The following RELN variants were observed in gnomAD, a reference collection of about 807,000 sequenced individuals.
RELN encodes reelin.
RELN carries 108 observed loss-of-function variants against 427.6 expected under a neutral mutation model. That is an observed-to-expected ratio of 0.25 (90% CI 0.22 to 0.30). The LOEUF (loss-of-function observed/expected upper bound fraction) is 0.30, where lower values mean the gene tolerates loss of function less well. RELN is among the 10% of genes least tolerant of loss of function. The probability of loss-of-function intolerance (pLI) is 1.00; values close to 1 mark genes in which losing one functional copy is unlikely to be tolerated. For missense variants in RELN, 3,715 were observed against 4,302.8 expected, an observed-to-expected ratio of 0.86 and a Z score of 3.82; for synonymous variants, 1,524 against 1,513.4, an observed-to-expected ratio of 1.01 and a Z score of -0.16.
rs1383206735 is a variant in RELN at position 103,620,516 on chromosome 7, AG to A, written c.2703-8714del. On this transcript the variant is annotated intron_variant, in intron 20 of 64. Coordinates refer to ENST00000428762, the MANE Select transcript of RELN (RefSeq NM_005045.4). The surrounding 1 kb of genome is among the most constrained non-coding windows in gnomAD (Gnocchi z 4.1). ...TGAGATAGAGTCTCGTCTGTCGCCC[AG>A]GCTGGAGTAACAGTGGCACGATCTT... Among the ~76,000 whole-genome samples the A allele has an allele frequency of 2.0e-5, 3 of 146,874 alleles. No individual in the cohort carries two copies. The highest frequency in any genetic ancestry group is 4.5e-5 in the Non-Finnish European group (3 of 67,252).
At chr7:103,523,126 C>G (rs1829747218) in intron 47 of RELN, among the ~76,000 whole-genome samples, 1 of 152,162 alleles carries the variant, frequency 6.6e-6, no homozygotes, top group Non-Finnish European at 1.5e-5. Flanking sequence ...TCGAGTGTAT[C>G]ACAGAAACAC....
intron 6 of RELN, among the ~76,000 whole-genome samples, chr7:103,744,853 C>T (rs1372266582): frequency 1.3e-5 from 2 of 152,170 alleles, no homozygotes; most frequent in Admixed American, 6.5e-5. Context: ...GGAGCTGGTA[C>T]CATTCCTTCT....
At chr7:103,686,957 G>A (rs1313666934) in intron 10 of RELN, among the ~76,000 whole-genome samples, 1 of 152,110 alleles carries the variant, frequency 6.6e-6, no homozygotes, top group African/African-American at 2.4e-5. Flanking sequence ...AGGTGCAGGA[G>A]GGCTGAAGTG....
chr7:103,909,931 A>G (rs1795325880), intron 2 of RELN, among the ~76,000 whole-genome samples: 2 of 143,968 alleles, frequency 1.4e-5, no homozygotes, highest in Admixed American at 1.5e-4. Flanking sequence ...TAAGTTAAAA[A>G]TTTCCAGTTC....
At chr7:103,488,376 C>T (rs1009356780) in intron 60 of RELN, among the ~76,000 whole-genome samples, 1 of 152,130 alleles carries the variant, frequency 6.6e-6, no homozygotes, top group African/African-American at 2.4e-5. Flanking sequence ...TTCCAGACAT[C>T]GAGGACTTCT....
intron 3 of RELN, among the ~76,000 whole-genome samples, chr7:103,796,020 T>A (rs1792290062): frequency 6.6e-6 from 1 of 152,246 alleles, no homozygotes; most frequent in South Asian, 2.1e-4. Context: ...AAGCTTCTAT[T>A]GTCTCTCATC....
intron 2 of RELN, among the ~76,000 whole-genome samples, chr7:103,846,241 C>T (rs1304539779): frequency 6.6e-6 from 1 of 152,024 alleles, no homozygotes; most frequent in Admixed American, 6.6e-5. Context: ...ATATACAGAC[C>T]AATGGAACAC....
intron 10 of RELN, among the ~76,000 whole-genome samples, chr7:103,694,820 T>A (rs1053620716): frequency 8.3e-6 from 1 of 119,882 alleles, no homozygotes; most frequent in Non-Finnish European, 1.8e-5. Context: ...CCACCATGCC[T>A]GGCTAGTTTT....
At chr7:103,814,010 T>A (rs959968950) in intron 3 of RELN, among the ~76,000 whole-genome samples, 2 of 152,214 alleles carry the variant, frequency 1.3e-5, no homozygotes, top group Non-Finnish European at 2.9e-5. Flanking sequence ...TTTCTTTCTC[T>A]ACCTTTACAT....
intron 3 of RELN, among the ~76,000 whole-genome samples, chr7:103,813,637 A>G (rs922500189): frequency 5.3e-5 from 8 of 152,150 alleles, no homozygotes; most frequent in Admixed American, 1.3e-4. Context: ...TTTTCTACGT[A>G]AGGAAAATTT....
intron 17 of RELN, among the ~76,000 whole-genome samples, chr7:103,638,401 G>A (rs1418769964): frequency 6.6e-6 from 1 of 152,192 alleles, no homozygotes; most frequent in Non-Finnish European, 1.5e-5. Flanking sequence ...GCCAGAAAGT[G>A]TTAGAGGGAA....
In RELN at chr7:103,545,964, A is replaced by G. The variant is rs369005955; in HGVS notation, c.6303-620T>C. ...TCTGTCTATTTAATACACTCTGTATAACTAACCTTTTTTAAAAAAACTGAG... is the reference window on the plus strand; with the variant it reads ...TCTGTCTATTTAATACACTCTGTATGACTAACCTTTTTTAAAAAAACTGAG... On this transcript the variant is annotated intron_variant, in intron 41 of 64. Coordinates refer to ENST00000428762, the MANE Select transcript of RELN (RefSeq NM_005045.4). 1.8e-4 allele frequency among the ~76,000 whole-genome samples: 27 copies of G among 152,024 alleles called. No individual in the cohort carries two copies. In the East Asian group the frequency reaches 4.2e-3, roughly 24 times the overall value.
chr7:103,766,068 T>C (rs1791418221), intron 4 of RELN, among the ~76,000 whole-genome samples: 2 of 152,232 alleles, frequency 1.3e-5, no homozygotes, highest in Non-Finnish European at 2.9e-5. Flanking sequence ...GGATACTTTC[T>C]GCCTGCCATA....
At chr7:103,638,074 T>TAA (rs140427433) in intron 17 of RELN, among the ~76,000 whole-genome samples, 2 of 151,700 alleles carry the variant, frequency 1.3e-5, no homozygotes, top group African/African-American at 2.4e-5. Flanking sequence ...AAATATTTTT[T>TAA]AAAAAAAACA....
chr7:103,854,977 G>C (rs117403145), intron 2 of RELN, among the ~76,000 whole-genome samples: 1,928 of 152,310 alleles, frequency 0.013, 15 homozygotes, highest in Middle Eastern at 0.044. Context: ...GATGGCAAAT[G>C]CAACTGCTTA....
chr7:103,782,222 A>T (rs1056535224), intron 3 of RELN, among the ~76,000 whole-genome samples: 16 of 152,270 alleles, frequency 1.1e-4, no homozygotes, highest in Non-Finnish European at 1.5e-4. Context: ...GTCATGATTT[A>T]AAAAAAGCCT....
intron 2 of RELN, among the ~76,000 whole-genome samples, chr7:103,880,897 T>A (rs1216248841): frequency 6.6e-6 from 1 of 152,140 alleles, no homozygotes; most frequent in Non-Finnish European, 1.5e-5. Flanking sequence ...GGTTTCACCA[T>A]GTTGTCCAGG....
intron 2 of RELN, among the ~76,000 whole-genome samples, chr7:103,909,852 A>C (rs1474220770): frequency 1.5e-5 from 2 of 133,700 alleles, no homozygotes; most frequent in African/African-American, 5.6e-5. Context: ...ATATATTTAA[A>C]TAATTCATTT....
chr7:103,638,936 G>C (rs527816727), intron 17 of RELN, among the ~76,000 whole-genome samples: 4 of 152,186 alleles, frequency 2.6e-5, no homozygotes, highest in South Asian at 4.1e-4. Context: ...ATTATGGATA[G>C]GTCTTTTTAG....
Sources: gnomAD v4.1 joint callset for allele counts (sites outside exome capture counted in the v4.1 genomes callset) on GRCh38, gnomAD v4.1.1 for gene constraint, Gnocchi (gnomAD v3.1) non-coding constraint, MANE v1.5 for transcripts, NCBI Gene and HGNC (gene_info 2026-07-23, HGNC 2026-07-21) for gene names.